Variants in TEX11 observed in about 807,000 individuals in gnomAD.
The protein encoded by TEX11 is testis-expressed protein 11.
A neutral mutation model predicts 84.4 loss-of-function variants in TEX11; 7 were observed. The ratio of observed to expected loss-of-function variants is 0.08; its 90% CI spans 0.05 to 0.16. The LOEUF is 0.16. Among genes scored for constraint, TEX11 ranks in the 10% least tolerant of loss-of-function variants. The probability of loss-of-function intolerance (pLI) is 1.00; values close to 1 mark genes in which losing one functional copy is unlikely to be tolerated. For synonymous variants in TEX11, 264 were observed against 222.8 expected (o/e 1.18, Z -1.64); for missense variants, 551 against 660.5 (o/e 0.83, Z 1.82).
chrX:70,819,883 T>C (rs559681555), intron 8 of TEX11, among the ~76,000 whole-genome samples: 17 of 111,487 alleles, frequency 1.5e-4, no homozygotes, highest in African/African-American at 5.2e-4. Context: ...GACTTCTACA[T>C]TGAAAATTGT....
chrX:70,854,892 C>A (rs1230833531), intron 5 of TEX11, among the ~76,000 whole-genome samples: 1 of 98,014 alleles, frequency 1.0e-5, no homozygotes. Context: ...GCTAAAAATA[C>A]AAAAAATTAG....
intron 9 of TEX11, among the ~76,000 whole-genome samples, chrX:70,748,291 C>T (rs373836363): frequency 1.4e-4 from 15 of 110,770 alleles, no homozygotes; most frequent in East Asian, 5.6e-4. Flanking sequence ...ACATGATGAG[C>T]GAAAATTATT....
chrX:70,826,554 C>T (rs750630446), intron 8 of TEX11, among the ~76,000 whole-genome samples: 7 of 111,963 alleles, frequency 6.3e-5, no homozygotes, highest in African/African-American at 2.3e-4. Flanking sequence ...CTCCCCGCTT[C>T]CCTGGCAGCA....
intron 28 of TEX11, among the ~76,000 whole-genome samples, chrX:70,545,413 T>C (rs2088109589): frequency 9.0e-6 from 1 of 111,083 alleles, no homozygotes; most frequent in Non-Finnish European, 1.9e-5. Flanking sequence ...AACCTAGGCC[T>C]ACCCAGGGCC....
chrX:70,675,791 G>A (rs1376761942), intron 15 of TEX11, among the ~76,000 whole-genome samples: 2 of 110,977 alleles, frequency 1.8e-5, no homozygotes, highest in Non-Finnish European at 3.8e-5. Flanking sequence ...CACCACACTT[G>A]GCTAATTTTT....
At chrX:70,873,885 T>G (rs1240019931) in intron 3 of TEX11, among the ~76,000 whole-genome samples, 1 of 111,695 alleles carries the variant, frequency 9.0e-6, no homozygotes, top group African/African-American at 3.2e-5. Context: ...ATTTAACATG[T>G]GATATAGTTT....
chrX:70,511,322 C>A, the TEX11 span, among the ~76,000 whole-genome samples: 1 of 112,560 alleles, frequency 8.9e-6, no homozygotes, highest in Admixed American at 9.4e-5. Context: ...ATGTGTCAGA[C>A]CCTGTGGATA....
intron 2 of TEX11, among the ~76,000 whole-genome samples, chrX:70,886,361 T>C (rs1280922332): frequency 8.9e-6 from 1 of 111,982 alleles, no homozygotes; most frequent in Non-Finnish European, 1.9e-5. Flanking sequence ...ACTGCATGGT[T>C]CCACTTACAT....
intron 8 of TEX11, among the ~76,000 whole-genome samples, chrX:70,828,302 C>G (rs995519398): frequency 9.0e-6 from 1 of 110,592 alleles, no homozygotes; most frequent in African/African-American, 3.3e-5. Context: ...ACAGAAAATT[C>G]AAAATAGCTA....
intron 13 of TEX11, among the ~76,000 whole-genome samples, chrX:70,693,475 G>T (rs977795024): frequency 1.8e-5 from 2 of 111,536 alleles, no homozygotes; most frequent in South Asian, 7.5e-4. Flanking sequence ...GGATGAACTT[G>T]TAGGGATGTT....
chrX:70,599,250 C>T (rs2089055407), intron 24 of TEX11, among the ~76,000 whole-genome samples: 1 of 111,386 alleles, frequency 9.0e-6, no homozygotes, highest in East Asian at 2.8e-4. Context: ...AACTACAACC[C>T]CCCAGGGGCC....
chrX:70,617,187 C>T (rs1300142531), intron 20 of TEX11, among the ~76,000 whole-genome samples: 4 of 108,794 alleles, frequency 3.7e-5, no homozygotes, highest in Non-Finnish European at 7.6e-5. Flanking sequence ...GAAAGAAAAC[C>T]TCTCAGACAA....
At chrX:70,532,218 C>G (rs1328075751) in intron 28 of TEX11, among the ~76,000 whole-genome samples, 2 of 112,088 alleles carry the variant, frequency 1.8e-5, no homozygotes, top group Non-Finnish European at 3.8e-5. Flanking sequence ...TTGTCTAATC[C>G]AGGGTATGTG....
intron 13 of TEX11, among the ~76,000 whole-genome samples, chrX:70,721,840 C>A (rs1039257391): frequency 9.0e-6 from 1 of 111,624 alleles, no homozygotes; most frequent in Non-Finnish European, 1.9e-5. Context: ...AGTTTGCAGA[C>A]CCCTGAATTA....
intron 8 of TEX11, among the ~76,000 whole-genome samples, chrX:70,823,389 G>C (rs2091328513): frequency 9.1e-6 from 1 of 110,203 alleles, no homozygotes; most frequent in Non-Finnish European, 1.9e-5. Context: ...TTTTTTCTAA[G>C]AGACTATATC....
chrX:70,651,329 A>T, intron 17 of TEX11, 121 bp downstream of exon 17: 1 of 435,744 alleles, frequency 2.3e-6, no homozygotes. Context: ...TACATAGGAA[A>T]GACAGAACAT....
chrX:70,682,728 A>G lies in TEX11; in HGVS notation c.1102T>C (p.Leu368=). ...GCAAGAAGTTCTTCCTTCCTTTGTA[A>G]AAGCATGTCAGTATGGAGTATCAGA... ...KVLILHTDML[L]QRKEELLAKE... is the part of the protein sequence containing the mutation. Residue 368 remains leucine (L), a synonymous_variant, in exon 14 of 30, where the codon TTA becomes CTA. Coordinates refer to ENST00000374333, the MANE Select transcript of TEX11 (RefSeq NM_031276.3). The G allele has an allele frequency of 1.7e-6, 2 of 1,210,005 alleles. No individual in the cohort carries two copies. The highest frequency in any genetic ancestry group is 2.2e-6 in the Non-Finnish European group (2 of 894,398).
intron 17 of TEX11, among the ~76,000 whole-genome samples, chrX:70,643,884 C>A (rs1472086065): frequency 9.2e-6 from 1 of 108,904 alleles, no homozygotes; most frequent in Admixed American, 9.9e-5. Context: ...GTCTAAAACA[C>A]CAAAAGCAAT....
chrX:70,609,040 C>A, intron 22 of TEX11, 51 bp downstream of exon 22: 1 of 1,014,793 alleles, frequency 9.9e-7, no homozygotes, highest in Non-Finnish European at 1.4e-6. Flanking sequence ...TCACATCTGT[C>A]TAATTCCACC....
Sources: allele counts gnomAD v4.1 joint callset (sites outside exome capture counted in the v4.1 genomes callset), GRCh38; gene constraint gnomAD v4.1.1; transcripts MANE v1.5; gene names NCBI Gene and HGNC (gene_info 2026-07-23, HGNC 2026-07-21).